GRAMD1B: variants seen among roughly 807,000 people sequenced by gnomAD.
GRAMD1B encodes protein Aster-B.
A neutral mutation model predicts 99.7 loss-of-function variants in GRAMD1B; 37 were observed. That is an observed-to-expected ratio of 0.37 (90% confidence interval 0.29 to 0.49). The LOEUF (loss-of-function observed/expected upper bound fraction) is 0.49. Ranked by LOEUF, GRAMD1B falls within the 20% of genes least tolerant of loss-of-function variation. GRAMD1B has a pLI of 0.98. For missense variants in GRAMD1B, 888 were observed against 1,009.2 expected, an observed-to-expected ratio of 0.88 and a Z score of 1.63; for synonymous variants, 427 against 387.6, an observed-to-expected ratio of 1.10 and a Z score of -1.19.
chr11:123,607,044 A>T (rs1234024031), intron 11 of GRAMD1B, among the ~76,000 whole-genome samples: 1 of 152,098 alleles, frequency 6.6e-6, no homozygotes, highest in East Asian at 1.9e-4. Context: ...CCCTATTGAC[A>T]TTGGCTTGCC....
intron 2 of GRAMD1B, among the ~76,000 whole-genome samples, chr11:123,527,354 C>G (rs1310101263): frequency 6.6e-6 from 1 of 152,188 alleles, no homozygotes; most frequent in African/African-American, 2.4e-5. Context: ...AGCCCTCCTC[C>G]TGTAGGGAAC....
intron 1 of GRAMD1B, among the ~76,000 whole-genome samples, chr11:123,400,659 A>G (rs1339621826): frequency 6.6e-6 from 1 of 152,044 alleles, no homozygotes; most frequent in Non-Finnish European, 1.5e-5. Context: ...TCATAAGGAC[A>G]CTAATCCATT....
chr11:123,484,838 G>A (rs766712955), intron 2 of GRAMD1B, among the ~76,000 whole-genome samples: 4 of 152,144 alleles, frequency 2.6e-5, no homozygotes, highest in Non-Finnish European at 4.4e-5. Context: ...ACTAACTTAC[G>A]CTCTGCACCT....
chr11:123,549,433 T>G (rs924600303), intron 2 of GRAMD1B, among the ~76,000 whole-genome samples: 1 of 151,932 alleles, frequency 6.6e-6, no homozygotes, highest in Non-Finnish European at 1.5e-5. Flanking sequence ...TCCCAGCTAC[T>G]CGGGAAGCTG....
intron 2 of GRAMD1B, among the ~76,000 whole-genome samples, chr11:123,534,738 G>A (rs1009880602): frequency 4.6e-5 from 7 of 152,206 alleles, no homozygotes; most frequent in Non-Finnish European, 7.4e-5. Context: ...GGTGGCAGGC[G>A]CCTGTAATCC....
At chr11:123,588,289 G>A (rs1031764442) in intron 4 of GRAMD1B, among the ~76,000 whole-genome samples, 3 of 151,920 alleles carry the variant, frequency 2.0e-5, no homozygotes, top group Admixed American at 6.6e-5. Flanking sequence ...GGTGTTTGCC[G>A]TAGAGTTAAT....
intron 12 of GRAMD1B, among the ~76,000 whole-genome samples, 178 bp downstream of exon 12, chr11:123,608,980 C>A (rs1953141486): frequency 6.6e-6 from 1 of 152,104 alleles, no homozygotes; most frequent in Admixed American, 6.5e-5. Context: ...TCCTTCAGGC[C>A]CTGTTGCCCT....
At chr11:123,432,292 C>G (rs866102911) in intron 1 of GRAMD1B, among the ~76,000 whole-genome samples, 1 of 152,106 alleles carries the variant, frequency 6.6e-6, no homozygotes, top group African/African-American at 2.4e-5. Context: ...CACAGTGGCT[C>G]ACACCTGTAA....
At chr11:123,560,270 A>G in intron 2 of GRAMD1B, 2 of 1,122,366 alleles carry the variant, frequency 1.8e-6, no homozygotes, top group Non-Finnish European at 2.2e-6. Context: ...CTGAGCTCAG[A>G]ACAGCTGTCT....
chr11:123,416,844 A>T (rs1948247156), intron 1 of GRAMD1B, among the ~76,000 whole-genome samples: 1 of 152,180 alleles, frequency 6.6e-6, no homozygotes, highest in Non-Finnish European at 1.5e-5. Flanking sequence ...TATGTGTATT[A>T]TCTGTTTATC....
chr11:123,608,847 C>T lies in GRAMD1B; in HGVS notation c.1657+45C>T, dbSNP rs762296851. The stretch of plus-strand genomic sequence containing the variant: ...TACCCCCCATTCCTCCCTCTTCATC[C>T]TCACTTCTTCCCTCTCTACATTTGC... On this transcript the variant is annotated intron_variant, in intron 12 of 19. Coordinates refer to ENST00000635736, the MANE Select transcript of GRAMD1B (RefSeq NM_001387025.1). 9.0e-6 allele frequency: 11 copies of T among 1,228,184 alleles called. No homozygotes were observed. The African/African-American group carries it at 9.0e-5, about 10-fold the overall frequency. The allele number at this position is 1,228,184 out of a possible 1,614,324, so 76.1% of individuals were successfully genotyped here.
chr11:123,611,943 A>C (rs1354779075), intron 14 of GRAMD1B, among the ~76,000 whole-genome samples: 1 of 152,200 alleles, frequency 6.6e-6, no homozygotes, highest in Non-Finnish European at 1.5e-5. Context: ...GGGCTGCTGC[A>C]TAGGAGAGAA....
chr11:123,594,666 C>A, intron 5 of GRAMD1B, 69 bp from the exon 6 acceptor site: 1 of 801,892 alleles, frequency 1.2e-6, no homozygotes, highest in Non-Finnish European at 2.2e-6. Context: ...GGATGACATG[C>A]CTACTCTGCA....
chr11:123,438,971 G>A (rs759583705), intron 1 of GRAMD1B, among the ~76,000 whole-genome samples: 1 of 152,182 alleles, frequency 6.6e-6, no homozygotes, highest in Non-Finnish European at 1.5e-5. Flanking sequence ...GTGGTTGCTG[G>A]GTTGCTGTGT....
chr11:123,435,790 A>G, intron 1 of GRAMD1B: 1 of 255,398 alleles, frequency 3.9e-6, no homozygotes. Flanking sequence ...AGTTTTTAAA[A>G]ACAGCTTTAT....
chr11:123,367,472 C>T (rs542079009), intron 1 of GRAMD1B, among the ~76,000 whole-genome samples: 5 of 152,048 alleles, frequency 3.3e-5, no homozygotes, highest in Admixed American at 2.0e-4. Flanking sequence ...GGTGAGTAGG[C>T]GTGATCCAGA....
intron 1 of GRAMD1B, among the ~76,000 whole-genome samples, chr11:123,383,468 T>C (rs1400354728): frequency 6.6e-6 from 1 of 152,238 alleles, no homozygotes; most frequent in Non-Finnish European, 1.5e-5. Context: ...AAGGTTGATA[T>C]AAGAATTAAA....
At chr11:123,380,741 G>T (rs1421061118) in intron 1 of GRAMD1B, among the ~76,000 whole-genome samples, 1 of 152,148 alleles carries the variant, frequency 6.6e-6, no homozygotes, top group Non-Finnish European at 1.5e-5. Flanking sequence ...GATCCTTTCA[G>T]ATGGTGATTT....
intron 1 of GRAMD1B, among the ~76,000 whole-genome samples, chr11:123,398,520 CTT>C (rs1177616870): frequency 1.3e-4 from 20 of 152,304 alleles, no homozygotes; most frequent in African/African-American, 4.8e-4. Flanking sequence ...CCATAGCATA[CTT>C]GTATCAATTT....
Sources: allele counts gnomAD v4.1 joint callset (sites outside exome capture counted in the v4.1 genomes callset), GRCh38; gene constraint gnomAD v4.1.1; transcripts MANE v1.5; gene names NCBI Gene and HGNC (gene_info 2026-07-23, HGNC 2026-07-21).